Variants in BNIP5 observed in about 807,000 individuals in gnomAD.
BNIP5 encodes BCL2 interacting protein 5.
In BNIP5, 61 loss-of-function variants were observed where a neutral mutation model predicts 67.3. The observed-to-expected ratio is 0.91, with a 90% CI of 0.74 to 1.12. The LOEUF (loss-of-function observed/expected upper bound fraction) is 1.12. Among genes scored for constraint, BNIP5 ranks in the 50% most tolerant of loss-of-function variants. The pLI is 0.00. For synonymous variants in BNIP5, 317 were observed against 319.0 expected (o/e 0.99, Z 0.07); for missense variants, 826 against 816.3 (o/e 1.01, Z -0.14).
Position 36,330,079 on chromosome 6 carries a change from AC to A in BNIP5, c.610+1del, listed in dbSNP as rs1195697096. On this transcript the variant is annotated splice_donor_variant, in intron 2 of 11. Coordinates refer to ENST00000437635, the MANE Select transcript of BNIP5 (RefSeq NM_001010903.5). LOFTEE classifies it high-confidence loss of function. Reference sequence around the variant, plus strand: ...CCATAGGAACAGGCACGGTCCGCTCACCCCTGCGAGCTGGGCCCAGGTCAGC... The same window carrying A: ...CCATAGGAACAGGCACGGTCCGCTCACCCTGCGAGCTGGGCCCAGGTCAGC... 1 of 1,597,448 alleles carries A rather than the reference AC, an allele frequency of 6.3e-7. No individual in the cohort carries two copies. The highest frequency in any genetic ancestry group is 8.5e-7 in the Non-Finnish European group (1 of 1,176,264).
At chr6:36,327,542 T>C (rs1399883252) in intron 3 of BNIP5, among the ~76,000 whole-genome samples, 1 of 152,230 alleles carries the variant, frequency 6.6e-6, no homozygotes, top group Non-Finnish European at 1.5e-5. Context: ...AATGTTGATC[T>C]TCCAACCTGC....
At chr6:36,324,609 A>G (rs1281761055) in intron 6 of BNIP5, among the ~76,000 whole-genome samples, 40 of 29,604 alleles carry the variant, frequency 1.4e-3, no homozygotes, top group Non-Finnish European at 2.2e-3. Flanking sequence ...ATATATATAT[A>G]TATATATATA....
At chr6:36,323,186 A>G (rs1053498951) in intron 8 of BNIP5, 107 bp downstream of exon 8, 2 of 1,469,780 alleles carry the variant, frequency 1.4e-6, no homozygotes, top group Non-Finnish European at 1.9e-6. Flanking sequence ...GCTTTCAGCA[A>G]CAGTGGACAT....
In BNIP5 at chr6:36,334,272, G is replaced by A. The variant is rs141950514; in HGVS notation, c.-5+2440C>T. Among the ~76,000 whole-genome samples the A allele has an allele frequency of 3.0e-4, 46 of 152,328 alleles. No individual in the cohort carries two copies. The East Asian group carries it at 7.3e-3, about 24-fold the overall frequency. ...GGGAGATGAGAGGAACTAAGGCCAGGAGCCCCCGCAGCTGCTGCTGCTGAG... is the reference window on the plus strand; with the variant it reads ...GGGAGATGAGAGGAACTAAGGCCAGAAGCCCCCGCAGCTGCTGCTGCTGAG... On this transcript the variant is annotated intron_variant, in intron 1 of 11. Transcript: ENST00000437635.
chr6:36,330,797 T>C lies in BNIP5; in HGVS notation c.-4-103A>G, dbSNP rs545112622. On this transcript the variant is annotated intron_variant, in intron 1 of 11. Transcript: ENST00000437635. ...TTTGTTTTTTATGACGGAGCCTCGGTCTATTGCCCAGGCTGGAGTGCAGTG... is the reference window on the plus strand; with the variant it reads ...TTTGTTTTTTATGACGGAGCCTCGGCCTATTGCCCAGGCTGGAGTGCAGTG... The C allele has an allele frequency of 4.5e-4, 637 of 1,418,830 alleles. 7 individuals are homozygous for C. In the South Asian group the frequency reaches 9.1e-3, roughly 20 times the overall value. The allele number at this position is 1,418,830 out of a possible 1,614,324, so 87.9% of individuals were successfully genotyped here. A position where few individuals can be genotyped will look rare whatever the true frequency, so the allele number is the denominator to read the frequency against.
At chr6:36,318,499 G>A (rs1037421876) in intron 11 of BNIP5, among the ~76,000 whole-genome samples, 1 of 151,840 alleles carries the variant, frequency 6.6e-6, no homozygotes, top group Non-Finnish European at 1.5e-5. Flanking sequence ...CTTGTGGCCA[G>A]GAGTTCAAAA....
At chr6:36,336,536 T>A (rs967715912) in intron 1 of BNIP5, among the ~76,000 whole-genome samples, 176 bp downstream of exon 1, 2 of 152,102 alleles carry the variant, frequency 1.3e-5, no homozygotes, top group African/African-American at 4.8e-5. Flanking sequence ...TTTTTAGAGA[T>A]AAGAAAACTG....
Position 36,324,186 on chromosome 6 carries a change from T to C in BNIP5, c.1173A>G (p.Glu391=). 1.2e-6 allele frequency: 2 copies of C among 1,613,506 alleles called. No individual in the cohort carries two copies. Among genetic ancestry groups the C allele is most frequent in the Non-Finnish European group, 1.7e-6 (2 of 1,179,532 alleles). ...GCATGGAAATGATCTTCTGAATGAA[T>C]TCTTCTGAAAAAGATCAACACGCAT... The part of the protein sequence containing the change: ...LPLDRASEYK[E]FIQKIISMLQ... Residue 391 remains glutamate, a synonymous_variant, in exon 7 of 12, where the codon GAA becomes GAG. Coordinates refer to ENST00000437635, the MANE Select transcript of BNIP5 (RefSeq NM_001010903.5).
intron 1 of BNIP5, among the ~76,000 whole-genome samples, chr6:36,335,093 A>G (rs528443058): frequency 6.7e-4 from 102 of 152,334 alleles, no homozygotes; most frequent in African/African-American, 2.4e-3. Context: ...CAGCAACAGC[A>G]ACAAAGAACC....
Position 36,322,419 on chromosome 6 carries a change from C to G in BNIP5, c.1495G>C (p.Glu499Gln). Residue 499 changes from glutamate (E) to glutamine (Q), a missense_variant, in exon 9 of 12, where the codon GAG (glutamate) becomes CAG (glutamine). Physicochemically the swap from Glu to Gln is conservative, Grantham distance 29. Transcript: ENST00000437635. ...SLDPEDLECR[E>Q]PLPAEGEPVV... ...GGCTCCCCTTCTGCGGGCAGGGGCT[C>G]CCGGCACTCGAGATCTTCTGGATCT... 5 of 1,613,846 alleles carry G rather than the reference C, an allele frequency of 3.1e-6. No homozygotes were observed. The highest frequency in any genetic ancestry group is 4.2e-6 in the Non-Finnish European group (5 of 1,179,922).
At chr6:36,329,676 G>A (rs1771840032) in intron 2 of BNIP5, among the ~76,000 whole-genome samples, 1 of 152,142 alleles carries the variant, frequency 6.6e-6, no homozygotes, top group Non-Finnish European at 1.5e-5. Context: ...GCCAGGCGTG[G>A]TGGTGGGCAC....
chr6:36,321,112 T>G, intron 10 of BNIP5, 43 bp downstream of exon 10: 3 of 1,144,364 alleles, frequency 2.6e-6, no homozygotes, highest in Non-Finnish European at 3.7e-6. Context: ...GGTGGGTAGA[T>G]GAGGCCCTGG....
intron 3 of BNIP5, among the ~76,000 whole-genome samples, chr6:36,327,885 C>T (rs1015059): frequency 0.2 from 29,187 of 148,110 alleles, 3,023 homozygotes; most frequent in East Asian, 0.39. Flanking sequence ...TATAAATTGT[C>T]TGGCTTTTGT....
At chr6:36,321,252 T>C in intron 9 of BNIP5, 33 bp from the exon 10 acceptor site, 3 of 1,511,674 alleles carry the variant, frequency 2.0e-6, no homozygotes, top group Non-Finnish European at 2.7e-6. Context: ...GAGTGACTGT[T>C]GACTGGGTGA....
At position 36,323,456 on chromosome 6, in the gene BNIP5, C is replaced by A; in HGVS notation, c.1308G>T (p.Arg436Ser). 2 of 1,614,254 alleles carry A rather than the reference C, an allele frequency of 1.2e-6. No homozygotes were observed. The highest frequency in any genetic ancestry group is 1.7e-6 in the Non-Finnish European group (2 of 1,180,042). Residue 436 changes from arginine to serine, a missense_variant, in exon 8 of 12, where the codon AGG (arginine) becomes AGT (serine). Coordinates refer to ENST00000437635, the MANE Select transcript of BNIP5 (RefSeq NM_001010903.5). ...PHCRRKSQEK[R>S]SSFRRAFYHK... ...GGTAAAACGCTCTCCTGAAGCTCGACCTTTTTTCTTGAGATTTCCTTCTGC... is the reference window on the plus strand; with the variant it reads ...GGTAAAACGCTCTCCTGAAGCTCGAACTTTTTTCTTGAGATTTCCTTCTGC...
rs964276034 is a variant in BNIP5, at chr6:36,321,370, A to G, written c.1604-151T>C. On this transcript the variant is annotated intron_variant, in intron 9 of 11. Coordinates refer to ENST00000437635, the MANE Select transcript of BNIP5 (RefSeq NM_001010903.5). The stretch of plus-strand genomic sequence containing the variant: ...CACACGTTAGTTATGATGGACCCAG[A>G]CAATTCTTACCTTAAACTAGAGCTG... 4.6e-6 allele frequency: 3 copies of G among 646,196 alleles called. No individual in the cohort carries two copies. In the African/African-American group the frequency reaches 5.4e-5, roughly 12 times the overall value. The allele number at this position is 646,196 out of a possible 1,614,324, so 40.0% of individuals were successfully genotyped here.
intron 6 of BNIP5, 48 bp from the exon 7 acceptor site, chr6:36,324,238 T>G: frequency 6.5e-7 from 1 of 1,528,146 alleles, no homozygotes; most frequent in Non-Finnish European, 9.1e-7. Flanking sequence ...ACGAAATCTC[T>G]TCTGCGGTCA....
intron 1 of BNIP5, among the ~76,000 whole-genome samples, chr6:36,331,570 C>A (rs947325610): frequency 6.6e-6 from 1 of 152,216 alleles, no homozygotes; most frequent in South Asian, 2.1e-4. Context: ...GAGCCCTGCC[C>A]TCTCTCACAG....
In BNIP5 at chr6:36,330,396, A is replaced by G; in HGVS notation, c.295T>C (p.Trp99Arg). Residue 99 changes from tryptophan (W) to arginine (R), a missense_variant, in exon 2 of 12, where the codon TGG becomes CGG. Coordinates refer to ENST00000437635, the MANE Select transcript of BNIP5 (RefSeq NM_001010903.5). ...QRPSQDTKKG[W>R]LKTMLNFFVR... is the part of the protein sequence containing the mutation. ...AAGAAGTTCAGCATGGTCTTCAGCC[A>G]CCCCTTCTTGGTGTCTTGCGAAGGC... 2.5e-6 allele frequency: 4 copies of G among 1,613,270 alleles called. No individual in the cohort carries two copies. Among genetic ancestry groups the G allele is most frequent in the Non-Finnish European group, 3.4e-6 (4 of 1,179,790 alleles).
Sources: gnomAD v4.1 joint callset for allele counts (sites outside exome capture counted in the v4.1 genomes callset) on GRCh38, gnomAD v4.1.1 for gene constraint, MANE v1.5 for transcripts, NCBI Gene and HGNC (gene_info 2026-07-23, HGNC 2026-07-21) for gene names.